The following DNAJC13 variants were observed in gnomAD, a reference collection of about 807,000 sequenced individuals.
DNAJC13 encodes dnaJ homolog subfamily C member 13.
DNAJC13 carries 75 observed loss-of-function variants against 290.5 expected under a neutral mutation model. The observed-to-expected ratio is 0.26, with a 90% CI of 0.21 to 0.31. DNAJC13 has a LOEUF of 0.31. Ranked by LOEUF, DNAJC13 falls within the 10% of genes least tolerant of loss-of-function variation. DNAJC13 has a pLI of 1.00. For synonymous variants in DNAJC13, 862 were observed against 892.0 expected (o/e 0.97, Z 0.60); for missense variants, 2,260 against 2,674.5 (o/e 0.85, Z 3.42).
intron 54 of DNAJC13, 65 bp from the exon 55 acceptor site, chr3:132,530,933 T>C: frequency 6.8e-7 from 1 of 1,473,374 alleles, no homozygotes; most frequent in Non-Finnish European, 9.4e-7. Context: ...AAGTTGGTTT[T>C]TCTTTTTGTC....
At chr3:132,438,257 G>C (rs924470644) in intron 2 of DNAJC13, among the ~76,000 whole-genome samples, 2 of 152,178 alleles carry the variant, frequency 1.3e-5, no homozygotes, top group African/African-American at 2.4e-5. Flanking sequence ...CTCCCTGAAA[G>C]AGTTTACATT....
At chr3:132,463,071 C>T (rs923261592) in intron 16 of DNAJC13, among the ~76,000 whole-genome samples, 1 of 152,170 alleles carries the variant, frequency 6.6e-6, no homozygotes, top group Non-Finnish European at 1.5e-5. Context: ...ATGATGATTA[C>T]AATGACATCA....
intron 45 of DNAJC13, 135 bp downstream of exon 45, chr3:132,513,234 A>G: frequency 3.0e-6 from 2 of 667,500 alleles, no homozygotes; most frequent in South Asian, 1.8e-5. Flanking sequence ...ACACATCAAT[A>G]TTTTTTGAAA....
Position 132,477,901 on chromosome 3 carries a change from C to T in DNAJC13, c.2549+9C>T. On this transcript the variant is annotated intron_variant, in intron 23 of 55. Transcript: ENST00000260818. ...GGATCAATTAAGAGATCGTGAGCTACTCTGTATATCCTGTCGCATTTGTTT... is the reference window on the plus strand; with the variant it reads ...GGATCAATTAAGAGATCGTGAGCTATTCTGTATATCCTGTCGCATTTGTTT... 1 of 1,610,030 alleles carries T rather than the reference C, an allele frequency of 6.2e-7. No homozygotes were observed. Among genetic ancestry groups the T allele is most frequent in the Non-Finnish European group, 8.5e-7 (1 of 1,178,156 alleles).
intron 3 of DNAJC13, among the ~76,000 whole-genome samples, chr3:132,446,821 T>A (rs1933258723): frequency 1.3e-5 from 2 of 152,248 alleles, no homozygotes; most frequent in South Asian, 4.1e-4. Context: ...GTAAAATTAG[T>A]AATTTAGTTC....
At chr3:132,532,497 C>T (rs59046486) in intron 55 of DNAJC13, among the ~76,000 whole-genome samples, 5,428 of 152,096 alleles carry the variant, frequency 0.036, 327 homozygotes, top group African/African-American at 0.12. Flanking sequence ...TTTTCCATCC[C>T]CTGTCCCTCA....
Position 132,492,435 on chromosome 3 carries a change from T to A in DNAJC13, c.3645T>A (p.Ile1215=). The A allele has an allele frequency of 1.2e-6, 2 of 1,613,894 alleles. No individual in the cohort carries two copies. The highest frequency in any genetic ancestry group is 8.5e-7 in the Non-Finnish European group (1 of 1,179,842). Residue 1215 remains isoleucine (I), a synonymous_variant, in exon 33 of 56, where the codon ATT becomes ATA. Coordinates refer to ENST00000260818, the MANE Select transcript of DNAJC13 (RefSeq NM_015268.4). ...SEMRRLMIEK[I]AAHLADFTPR... ...GTAGGCGCCTGATGATAGAGAAGATTGCTGCCCATCTCGCGGATTTCACAC... is the reference window on the plus strand; with the variant it reads ...GTAGGCGCCTGATGATAGAGAAGATAGCTGCCCATCTCGCGGATTTCACAC...
At chr3:132,432,468 A>G (rs1157770249) in intron 1 of DNAJC13, among the ~76,000 whole-genome samples, 1 of 152,070 alleles carries the variant, frequency 6.6e-6, no homozygotes, top group Non-Finnish European at 1.5e-5. Flanking sequence ...GCCTCCCAAA[A>G]TGCTAGGATT....
chr3:132,417,900 C>G (rs933880326), intron 1 of DNAJC13, 140 bp downstream of exon 1: 1 of 153,170 alleles, frequency 6.5e-6, no homozygotes, highest in East Asian at 1.9e-4. Flanking sequence ...AAGCAGATTA[C>G]CCTTCCCCCA....
intron 26 of DNAJC13, 121 bp from the exon 27 acceptor site, chr3:132,482,105 T>C (rs181880998): frequency 1.5e-6 from 1 of 654,702 alleles, no homozygotes; most frequent in Non-Finnish European, 2.4e-6. Flanking sequence ...ACTTAAACTT[T>C]CAGGTTAACT....
In DNAJC13 at chr3:132,454,049, T is replaced by G; in HGVS notation, c.841-17T>G. 6.4e-7 allele frequency: 1 copy of G among 1,558,918 alleles called. No homozygotes were observed. Among genetic ancestry groups the G allele is most frequent in the Non-Finnish European group, 8.7e-7 (1 of 1,153,662 alleles). On this transcript the variant is annotated splice_polypyrimidine_tract_variant and intron_variant, in intron 8 of 55. Coordinates refer to ENST00000260818, the MANE Select transcript of DNAJC13 (RefSeq NM_015268.4). Reference sequence around the variant, plus strand: ...TAAACTTTTTTTTGTTGAAGCTATTTTTTGTTTTTTCATTAGGTATTTGCG... The same window carrying G: ...TAAACTTTTTTTTGTTGAAGCTATTGTTTGTTTTTTCATTAGGTATTTGCG...
intron 55 of DNAJC13, among the ~76,000 whole-genome samples, chr3:132,532,543 G>A (rs1170269226): frequency 6.6e-6 from 1 of 152,018 alleles, no homozygotes; most frequent in Admixed American, 6.5e-5. Context: ...TGTGTTCTCA[G>A]TCTGTCCCAT....
rs138972010 is a variant in DNAJC13 at position 132,483,069 on chromosome 3, A to G, written c.2980-306A>G. 1.1e-3 allele frequency among the ~76,000 whole-genome samples: 162 copies of G among 152,274 alleles called. 2 individuals carry two copies. In the East Asian group the frequency reaches 0.025, roughly 23 times the overall value. ...GGCTCATTTCGAATTGGGCAAAGATAGTTTTATGGAGGACCAACCATTCTG... is the reference window on the plus strand; with the variant it reads ...GGCTCATTTCGAATTGGGCAAAGATGGTTTTATGGAGGACCAACCATTCTG... On this transcript the variant is annotated intron_variant, in intron 27 of 55. Transcript: ENST00000260818.
chr3:132,437,838 T>A (rs956253071), intron 2 of DNAJC13, among the ~76,000 whole-genome samples: 17 of 152,246 alleles, frequency 1.1e-4, no homozygotes, highest in East Asian at 3.9e-4. Context: ...AATTTTTTTT[T>A]AAAAGACAGC....
chr3:132,449,667 G>C (rs578247461), intron 5 of DNAJC13, among the ~76,000 whole-genome samples: 1 of 152,220 alleles, frequency 6.6e-6, no homozygotes, highest in South Asian at 2.1e-4. Flanking sequence ...TCATTACTTA[G>C]TGCTTCACTC....
At chr3:132,503,193 A>G in intron 40 of DNAJC13, 21 bp from the exon 41 acceptor site, 17 of 1,611,200 alleles carry the variant, frequency 1.1e-5, no homozygotes, top group Non-Finnish European at 1.4e-5. Flanking sequence ...TACTTTAACA[A>G]CTTAATTTTT....
At chr3:132,478,473 T>G (rs1454526760) in intron 24 of DNAJC13, among the ~76,000 whole-genome samples, 1 of 152,200 alleles carries the variant, frequency 6.6e-6, no homozygotes, top group Non-Finnish European at 1.5e-5. Flanking sequence ...ATTTTCCATT[T>G]TGGAAAAATC....
At chr3:132,427,135 T>TATA (rs1175530559) in intron 1 of DNAJC13, among the ~76,000 whole-genome samples, 2,216 of 92,874 alleles carry the variant, frequency 0.024, 73 homozygotes, top group African/African-American at 0.091. Flanking sequence ...ATATATATAT[T>TATA]TTTTTTTTTT....
chr3:132,501,864 T>C (rs1935428084), intron 39 of DNAJC13, among the ~76,000 whole-genome samples: 1 of 152,218 alleles, frequency 6.6e-6, no homozygotes, highest in Non-Finnish European at 1.5e-5. Flanking sequence ...CTCTACTATA[T>C]CTACTTAATG....
Sources: gnomAD v4.1 joint callset for allele counts (sites outside exome capture counted in the v4.1 genomes callset) on GRCh38, gnomAD v4.1.1 for gene constraint, MANE v1.5 for transcripts, NCBI Gene and HGNC (gene_info 2026-07-23, HGNC 2026-07-21) for gene names.